Variants in MATN2 observed in about 807,000 individuals in gnomAD.
The protein encoded by MATN2 is matrilin-2.
A neutral mutation model predicts 103.2 loss-of-function variants in MATN2; 69 were observed. The observed-to-expected ratio is 0.67, with a 90% CI of 0.55 to 0.82. The LOEUF is 0.82. MATN2 is among the 40% of genes least tolerant of loss of function. MATN2 has a pLI of 0.00. For synonymous variants in MATN2, 429 were observed against 450.2 expected (o/e 0.95, Z 0.60); for missense variants, 1,023 against 1,211.5 (o/e 0.84, Z 2.31).
At chr8:97,958,689 G>A (rs1013559540) in intron 4 of MATN2, among the ~76,000 whole-genome samples, 1 of 152,194 alleles carries the variant, frequency 6.6e-6, no homozygotes. Context: ...CTTTGCTAGA[G>A]GTGCTTAAAT....
At chr8:97,889,109 A>G (rs1041801340) in intron 2 of MATN2, among the ~76,000 whole-genome samples, 1 of 152,160 alleles carries the variant, frequency 6.6e-6, no homozygotes, top group African/African-American at 2.4e-5. Context: ...TTGAAACTGT[A>G]TTTGACATTT....
In MATN2 at chr8:98,003,671, C is replaced by T. The variant is rs764279419; in HGVS notation, c.1215C>T (p.Tyr405=). 59 of 1,613,884 alleles carry T rather than the reference C, an allele frequency of 3.7e-5. No individual in the cohort carries two copies. In the Middle Eastern group the frequency reaches 3.6e-3, roughly 99 times the overall value. The change falls in exon 8 of 19, where the codon TAC becomes TAT. Residue 405 remains tyrosine, a synonymous_variant. Transcript: ENST00000254898. The part of the protein sequence containing the change: ...PDKKTCRRIN[Y]CALNKPGCEH... ...CCTTCTTCCCCTCAGGGATCAACTA[C>T]TGTGCACTGAACAAACCGGGCTGTG... is the stretch of plus-strand genomic sequence containing the variant.
chr8:97,969,577 G>T (rs1049854227), intron 5 of MATN2, among the ~76,000 whole-genome samples: 1 of 152,188 alleles, frequency 6.6e-6, no homozygotes, highest in Non-Finnish European at 1.5e-5. Flanking sequence ...GGAAGTAGGG[G>T]CAGGAAAAAT....
chr8:97,889,846 G>GCTTC lies in MATN2; in HGVS notation c.142+1605_142+1608dup, dbSNP rs1203813260. On this transcript the variant is annotated intron_variant, in intron 2 of 18. Transcript: ENST00000254898. ...ACACACTTGCCTGGAAAAGCACACT[G>GCTTC]CTTCTCTAGGCTCCAAGTCTCTCTC... 2.6e-5 allele frequency among the ~76,000 whole-genome samples: 4 copies of GCTTC among 152,064 alleles called. No individual in the cohort carries two copies. In the South Asian group the frequency reaches 8.3e-4, roughly 32 times the overall value.
intron 11 of MATN2, among the ~76,000 whole-genome samples, chr8:98,017,472 T>C (rs1813403259): frequency 6.6e-6 from 1 of 152,222 alleles, no homozygotes; most frequent in Non-Finnish European, 1.5e-5. Context: ...TATCTTTTTC[T>C]CAACGTCTCA....
intron 2 of MATN2, among the ~76,000 whole-genome samples, chr8:97,888,689 GC>G (rs1818527828): frequency 6.6e-6 from 1 of 152,160 alleles, no homozygotes; most frequent in South Asian, 2.1e-4. Context: ...AATGGAAAAT[GC>G]CAGGGGTCTA....
chr8:98,016,747 C>A, intron 11 of MATN2, 85 bp downstream of exon 11: 1 of 1,506,484 alleles, frequency 6.6e-7, no homozygotes, highest in East Asian at 2.4e-5. Flanking sequence ...ATATCAGTTC[C>A]TCTCAGAAGT....
chr8:97,938,854 G>C (rs1185285736), intron 3 of MATN2, among the ~76,000 whole-genome samples: 1 of 152,010 alleles, frequency 6.6e-6, no homozygotes, highest in Admixed American at 6.6e-5. Flanking sequence ...TTTTATGTGT[G>C]TTTCTGTTTA....
chr8:97,895,149 A>G (rs112669797), intron 2 of MATN2, among the ~76,000 whole-genome samples: 1 of 152,234 alleles, frequency 6.6e-6, no homozygotes, highest in African/African-American at 2.4e-5. Flanking sequence ...CTGGAATTAC[A>G]GGCGTGAGCC....
chr8:98,031,964 CCTT>C (rs1437392563), intron 15 of MATN2: 1 of 238,418 alleles, frequency 4.2e-6, no homozygotes, highest in Non-Finnish European at 8.0e-6. Flanking sequence ...AACAACTTCA[CCTT>C]TTTTTTCTGC....
chr8:97,869,870 G>GA (rs1455398324), intron 1 of MATN2, among the ~76,000 whole-genome samples: 1 of 152,152 alleles, frequency 6.6e-6, no homozygotes, highest in African/African-American at 2.4e-5. Flanking sequence ...AGAGGACAGA[G>GA]AAATGGGGAC....
chr8:97,975,731 GC>G (rs1311195848), intron 5 of MATN2, among the ~76,000 whole-genome samples: 1 of 152,164 alleles, frequency 6.6e-6, no homozygotes, highest in African/African-American at 2.4e-5. Context: ...GGTGAATCAA[GC>G]CCAGCATGAG....
chr8:97,954,895 C>T (rs1039259784), intron 4 of MATN2, among the ~76,000 whole-genome samples: 1 of 152,156 alleles, frequency 6.6e-6, no homozygotes, highest in Non-Finnish European at 1.5e-5. Flanking sequence ...CAAATGGAAA[C>T]TCTGAGGGAG....
intron 14 of MATN2, among the ~76,000 whole-genome samples, chr8:98,029,417 C>T (rs1271827374): frequency 1.3e-5 from 2 of 152,214 alleles, no homozygotes; most frequent in Non-Finnish European, 2.9e-5. Context: ...CTTTGCTCCA[C>T]TCAAATGTCT....
intron 2 of MATN2, among the ~76,000 whole-genome samples, chr8:97,924,809 T>C (rs1809938679): frequency 6.6e-6 from 1 of 151,894 alleles, no homozygotes; most frequent in Admixed American, 6.6e-5. Flanking sequence ...AGGAAAGAAC[T>C]GACCCCAGAG....
intron 2 of MATN2, among the ~76,000 whole-genome samples, chr8:97,900,765 C>T (rs1238904156): frequency 6.6e-6 from 1 of 152,152 alleles, no homozygotes; most frequent in Non-Finnish European, 1.5e-5. Flanking sequence ...GAAACTCCGT[C>T]TCTGCTAAAA....
intron 1 of MATN2, among the ~76,000 whole-genome samples, chr8:97,869,509 A>C (rs1421114713): frequency 6.6e-6 from 1 of 151,982 alleles, no homozygotes; most frequent in Non-Finnish European, 1.5e-5. Context: ...CGGCCGGGAG[A>C]GCTGGGCGCG....
intron 7 of MATN2, among the ~76,000 whole-genome samples, chr8:98,001,856 G>T (rs1352108523): frequency 1.3e-5 from 2 of 152,074 alleles, no homozygotes; most frequent in Non-Finnish European, 2.9e-5. Context: ...CAGAACTAGG[G>T]CATATTCCCA....
At chr8:97,870,352 C>T (rs1158812023) in intron 1 of MATN2, among the ~76,000 whole-genome samples, 4 of 152,044 alleles carry the variant, frequency 2.6e-5, no homozygotes, top group African/African-American at 4.8e-5. Context: ...AACCCCGTCT[C>T]TACTAAAAAT....
Sources: allele counts gnomAD v4.1 joint callset (sites outside exome capture counted in the v4.1 genomes callset), GRCh38; gene constraint gnomAD v4.1.1; transcripts MANE v1.5; gene names NCBI Gene and HGNC (gene_info 2026-07-23, HGNC 2026-07-21).